The following COL8A1 variants were observed in gnomAD, a reference collection of about 807,000 sequenced individuals.
The protein encoded by COL8A1 is collagen type VIII alpha 1 chain.
In COL8A1, 21 loss-of-function variants were observed where a neutral mutation model predicts 42.7. The ratio of observed to expected loss-of-function variants is 0.49; its 90% CI spans 0.35 to 0.71. The LOEUF is 0.71. Ranked by LOEUF, COL8A1 falls within the 30% of genes least tolerant of loss-of-function variation. The pLI is 0.01. For missense variants in COL8A1, 788 were observed against 962.4 expected (o/e 0.82, Z 2.40); for synonymous variants, 367 against 369.1 (o/e 0.99, Z 0.06).
chr3:99,767,878 G>T (rs142249020), intron 2 of COL8A1, among the ~76,000 whole-genome samples: 26 of 152,294 alleles, frequency 1.7e-4, no homozygotes, highest in Admixed American at 3.3e-4. Flanking sequence ...GTTAGCATGA[G>T]AAACTAATAC....
At chr3:99,644,194 G>T (rs936274700) in intron 1 of COL8A1, among the ~76,000 whole-genome samples, 11 of 152,146 alleles carry the variant, frequency 7.2e-5, no homozygotes, top group Admixed American at 5.2e-4. Flanking sequence ...TTGAGTCAGG[G>T]TTCTTTAAAT....
intron 1 of COL8A1, among the ~76,000 whole-genome samples, chr3:99,710,838 C>A (rs1318597240): frequency 6.6e-6 from 1 of 152,118 alleles, no homozygotes; most frequent in East Asian, 1.9e-4. Context: ...GGTCAATGCT[C>A]CCTGCACTAT....
At chr3:99,752,763 T>C (rs1486346904) in intron 2 of COL8A1, among the ~76,000 whole-genome samples, 8 of 151,118 alleles carry the variant, frequency 5.3e-5, no homozygotes, top group Non-Finnish European at 1.2e-4. Context: ...CATACTCAAT[T>C]TTGTATCATC....
At chr3:99,645,133 C>G (rs1486701909) in intron 1 of COL8A1, among the ~76,000 whole-genome samples, 1 of 152,196 alleles carries the variant, frequency 6.6e-6, no homozygotes, top group Non-Finnish European at 1.5e-5. Flanking sequence ...AGCATGGTGT[C>G]TACACTCTGA....
intron 1 of COL8A1, among the ~76,000 whole-genome samples, chr3:99,716,932 G>A (rs998284687): frequency 6.6e-6 from 1 of 151,854 alleles, no homozygotes; most frequent in South Asian, 2.1e-4. Context: ...TTTCCAAGGG[G>A]TCTAATTCTT....
rs369750736 is a variant in COL8A1 at position 99,794,251 on chromosome 3, G to A, written c.350G>A (p.Arg117Gln). ...GTAGAAATACCATTAGCCAGTTTAC[G>A]AGGGGAACAAGGTCCCCGTGGAGAG... ...KGKEIPLASLRGEQGPRGEPG... is the reference protein window; with the variant it reads ...KGKEIPLASLQGEQGPRGEPG... The change falls in exon 4 of 4, where the codon CGA (arginine) becomes CAA (glutamine). Residue 117 changes from arginine to glutamine, a missense_variant. This residue lies in a region of COL8A1 where 421 missense variants were observed against 553.1 expected (regional missense o/e 0.76). Coordinates refer to ENST00000652472, the MANE Select transcript of COL8A1 (RefSeq NM_020351.4). The surrounding 1 kb of genome is among the most constrained non-coding windows in gnomAD (Gnocchi z 4.3). 1.3e-5 allele frequency: 21 copies of A among 1,590,336 alleles called. No homozygotes were observed. Among genetic ancestry groups the A allele is most frequent in the Admixed American group, 7.2e-5 (4 of 55,290 alleles).
chr3:99,797,188 GTAA>G lies in COL8A1; in HGVS notation c.*1054_*1056del, dbSNP rs2107462001. ...TGTGGTTCTAATCATGGAGATATCAGTAATTTTTAGTAACTGAATTTTGAGGAC... is the reference window on the plus strand; with the variant it reads ...TGTGGTTCTAATCATGGAGATATCAGTTTTTAGTAACTGAATTTTGAGGAC... On this transcript the variant is annotated 3_prime_UTR_variant, in exon 4 of 4. Coordinates refer to ENST00000652472, the MANE Select transcript of COL8A1 (RefSeq NM_020351.4). 6.6e-6 allele frequency: 1 copy of G among 152,218 alleles called. No homozygotes were observed. The highest frequency in any genetic ancestry group is 1.9e-4 in the East Asian group (1 of 5,176). 9.4% of individuals were successfully genotyped at this position (152,218 alleles called of 1,614,324 possible).
At chr3:99,652,767 G>C (rs955587407) in intron 1 of COL8A1, among the ~76,000 whole-genome samples, 7 of 152,170 alleles carry the variant, frequency 4.6e-5, no homozygotes, top group Non-Finnish European at 8.8e-5. Flanking sequence ...GTTATCTTCT[G>C]TATAGTTTAT....
Position 99,795,357 on chromosome 3 carries a change from G to A in COL8A1, c.1456G>A (p.Gly486Arg). Residue 486 changes from glycine (G) to arginine (R), a missense_variant, in exon 4 of 4, where the codon GGA becomes AGA. Around this residue, in one of 4 missense-constraint regions of COL8A1, gnomAD observed 154 missense variants for 182.3 expected, o/e 0.84. Coordinates refer to ENST00000652472, the MANE Select transcript of COL8A1 (RefSeq NM_020351.4). ...PGLLGPKGEP[G>R]IPGDQGLQGP... is the part of the protein sequence containing the mutation. ...GCTTCTCGGACCTAAGGGAGAGCCA[G>A]GAATCCCAGGGGATCAGGGTTTACA... 2 of 1,585,714 alleles carry A rather than the reference G, an allele frequency of 1.3e-6. No individual in the cohort carries two copies. The highest frequency in any genetic ancestry group is 1.7e-6 in the Non-Finnish European group (2 of 1,165,440).
At chr3:99,680,485 A>C (rs1315003970) in intron 1 of COL8A1, 5 of 152,162 alleles carry the variant, frequency 3.3e-5, no homozygotes, top group African/African-American at 1.2e-4. Flanking sequence ...TAGCAGCATG[A>C]TTTATAATCC....
At chr3:99,687,427 C>CGT (rs148281464) in intron 1 of COL8A1, among the ~76,000 whole-genome samples, 2,537 of 152,022 alleles carry the variant, frequency 0.017, 66 homozygotes, top group African/African-American at 0.055. Flanking sequence ...TATCTGTTCA[C>CGT]GTGTGTGTGT....
At chr3:99,644,246 TTATAAGTACCATATC>T (rs1484838156) in intron 1 of COL8A1, among the ~76,000 whole-genome samples, 1 of 152,166 alleles carries the variant, frequency 6.6e-6, no homozygotes, top group East Asian at 1.9e-4. Flanking sequence ...TGTGAAAGCT[TTATAAGTACCATATC>T]TATTAAAACT....
At chr3:99,671,573 T>C (rs1284578399) in intron 1 of COL8A1, among the ~76,000 whole-genome samples, 2 of 151,966 alleles carry the variant, frequency 1.3e-5, no homozygotes, top group Non-Finnish European at 2.9e-5. Context: ...TGGTGTGTCT[T>C]TTCACCAACA....
rs749897678 is a variant in COL8A1, at chr3:99,739,090, C to T, written c.-128-5807C>T. Among the ~76,000 whole-genome samples, 8 of 152,296 alleles carry T rather than the reference C, an allele frequency of 5.3e-5. No homozygotes were observed. The East Asian group carries it at 5.8e-4, about 11-fold the overall frequency. ...GCCTCGCCCTGCTTTGGCTCGTGCA[C>T]GGTGCGCGCACCCACTGACCTGTGC... is the stretch of plus-strand genomic sequence containing the variant. On this transcript the variant is annotated intron_variant, in intron 1 of 3. Transcript: ENST00000652472.
chr3:99,709,245 C>G (rs1195808217), intron 1 of COL8A1, among the ~76,000 whole-genome samples: 1 of 152,068 alleles, frequency 6.6e-6, no homozygotes, highest in Non-Finnish European at 1.5e-5. Context: ...TCAGAATTAC[C>G]CAGGGCCTAG....
chr3:99,714,027 T>C (rs1410450156), intron 1 of COL8A1, among the ~76,000 whole-genome samples: 1 of 151,968 alleles, frequency 6.6e-6, no homozygotes, highest in East Asian at 1.9e-4. Flanking sequence ...TCAAGGCAAA[T>C]GAAAAACACA....
At chr3:99,756,160 A>G (rs1185016097) in intron 2 of COL8A1, among the ~76,000 whole-genome samples, 1 of 151,710 alleles carries the variant, frequency 6.6e-6, no homozygotes, top group Non-Finnish European at 1.5e-5. Flanking sequence ...GAGCAACTAG[A>G]TAAGTACGAA....
intron 1 of COL8A1, among the ~76,000 whole-genome samples, chr3:99,687,977 G>C (rs993748681): frequency 6.6e-6 from 1 of 152,120 alleles, no homozygotes; most frequent in Admixed American, 6.6e-5. Context: ...TCAACCAGCT[G>C]TTACATCCAC....
intron 1 of COL8A1, among the ~76,000 whole-genome samples, chr3:99,681,608 A>G (rs955090549): frequency 6.6e-6 from 1 of 152,174 alleles, no homozygotes; most frequent in African/African-American, 2.4e-5. Flanking sequence ...GCTGCTCTCT[A>G]TTTCCTCAAA....
Sources: gnomAD v4.1 joint callset for allele counts (sites outside exome capture counted in the v4.1 genomes callset) on GRCh38, gnomAD v4.1.1 for gene constraint, gnomAD v4.1.1 regional missense constraint, Gnocchi (gnomAD v3.1) non-coding constraint, MANE v1.5 for transcripts, NCBI Gene and HGNC (gene_info 2026-07-23, HGNC 2026-07-21) for gene names.